The following PPP1R12A variants were observed in gnomAD, a reference collection of about 807,000 sequenced individuals.
The protein encoded by PPP1R12A is myosin binding subunit.
In PPP1R12A, 19 loss-of-function variants were observed where a neutral mutation model predicts 139.6. The ratio of observed to expected loss-of-function variants is 0.14; its 90% CI spans 0.09 to 0.20. The LOEUF (loss-of-function observed/expected upper bound fraction) is 0.20, where lower values mean the gene tolerates loss of function less well. Among genes scored for constraint, PPP1R12A ranks in the 10% least tolerant of loss-of-function variants. The pLI is 1.00. For missense variants in PPP1R12A, 925 were observed against 1,211.5 expected, an observed-to-expected ratio of 0.76 and a Z score of 3.51; for synonymous variants, 427 against 420.6, an observed-to-expected ratio of 1.02 and a Z score of -0.19.
rs571697991 is a variant in PPP1R12A at position 79,859,286 on chromosome 12, G to A, written c.368+13522C>T. ...TGGCAGGTGGAGCCTGCAGTGAGCC[G>A]AGATCGTGCCACTGCACTCCAGCCT... On this transcript the variant is annotated intron_variant, in intron 2 of 24. Coordinates refer to ENST00000450142, the MANE Select transcript of PPP1R12A (RefSeq NM_002480.3). Among the ~76,000 whole-genome samples the A allele has an allele frequency of 4.1e-4, 60 of 147,602 alleles. No individual in the cohort carries two copies. The Middle Eastern group carries it at 0.021, about 51-fold the overall frequency.
intron 1 of PPP1R12A, among the ~76,000 whole-genome samples, chr12:79,912,873 C>T (rs1045345028): frequency 2.0e-5 from 3 of 152,156 alleles, no homozygotes; most frequent in African/African-American, 4.8e-5. Context: ...CCATAGAGTA[C>T]GTTTCCATTG....
At chr12:79,892,803 G>C (rs539606494) in intron 1 of PPP1R12A, among the ~76,000 whole-genome samples, 1 of 152,098 alleles carries the variant, frequency 6.6e-6, no homozygotes, top group African/African-American at 2.4e-5. Context: ...AATGGCAAAT[G>C]TTAATAAATG....
chr12:79,852,104 T>C (rs1306395854), intron 2 of PPP1R12A, among the ~76,000 whole-genome samples: 1 of 152,152 alleles, frequency 6.6e-6, no homozygotes, highest in Non-Finnish European at 1.5e-5. Context: ...TAATATCTGT[T>C]ATCCTGGTGT....
At chr12:79,870,488 TAG>T (rs1199287799) in intron 2 of PPP1R12A, among the ~76,000 whole-genome samples, 1 of 152,202 alleles carries the variant, frequency 6.6e-6, no homozygotes, top group Non-Finnish European at 1.5e-5. Flanking sequence ...CAGTATATGC[TAG>T]AGTTAAACTG....
chr12:79,828,629 C>T (rs750956490), intron 4 of PPP1R12A, among the ~76,000 whole-genome samples, 165 bp from the exon 5 acceptor site: 1 of 151,998 alleles, frequency 6.6e-6, no homozygotes, highest in Non-Finnish European at 1.5e-5. Context: ...CAAAGTAATT[C>T]TCAGAAAAAA....
chr12:79,814,544 G>A (rs568292133), intron 9 of PPP1R12A, among the ~76,000 whole-genome samples: 69 of 146,570 alleles, frequency 4.7e-4, no homozygotes, highest in Non-Finnish European at 8.3e-4. Flanking sequence ...GGCCAGGCAC[G>A]GTGGCTCATG....
chr12:79,821,045 A>G (rs1876036950), intron 7 of PPP1R12A, 33 bp downstream of exon 7: 1 of 1,597,340 alleles, frequency 6.3e-7, no homozygotes, highest in African/African-American at 1.3e-5. Flanking sequence ...CTCATTAACA[A>G]AAATAACAAA....
intron 2 of PPP1R12A, among the ~76,000 whole-genome samples, chr12:79,869,020 T>C (rs1300605724): frequency 2.6e-5 from 4 of 152,192 alleles, no homozygotes; most frequent in South Asian, 4.1e-4. Flanking sequence ...GAGCATAAAA[T>C]CAGGCTCCAC....
chr12:79,832,609 T>C (rs996403986), intron 3 of PPP1R12A, 118 bp from the exon 4 acceptor site: 2 of 1,049,202 alleles, frequency 1.9e-6, no homozygotes, highest in Admixed American at 6.4e-5. Context: ...TATGTCTTTT[T>C]AAAATGGGCT....
chr12:79,854,222 G>A lies in PPP1R12A; in HGVS notation c.369-8802C>T, dbSNP rs137902920. On this transcript the variant is annotated intron_variant, in intron 2 of 24. Coordinates refer to ENST00000450142, the MANE Select transcript of PPP1R12A (RefSeq NM_002480.3). ...GAGAATGATACTGTGTGTGTGTGGC[G>A]GGGGGGCAGGGGAAATTTATGGGAT... 6.8e-4 allele frequency among the ~76,000 whole-genome samples: 104 copies of A among 151,876 alleles called. 1 individual carries two copies. The highest frequency in any genetic ancestry group is 2.2e-3 in the African/African-American group (91 of 41,370).
At chr12:79,858,226 A>G (rs1016012470) in intron 2 of PPP1R12A, among the ~76,000 whole-genome samples, 1 of 152,210 alleles carries the variant, frequency 6.6e-6, no homozygotes, top group East Asian at 1.9e-4. Context: ...TCTCTTCTAG[A>G]TAAGTTTGCC....
intron 5 of PPP1R12A, chr12:79,825,227 T>C (rs573739331): frequency 6.6e-6 from 1 of 152,280 alleles, no homozygotes; most frequent in African/African-American, 2.4e-5. Flanking sequence ...TTGTGTCCAT[T>C]AATAGCAGAA....
intron 1 of PPP1R12A, among the ~76,000 whole-genome samples, chr12:79,907,444 G>C (rs1261521487): frequency 6.6e-6 from 1 of 152,042 alleles, no homozygotes; most frequent in East Asian, 1.9e-4. Context: ...AAATATAAAA[G>C]TTAAACAAAA....
intron 14 of PPP1R12A, among the ~76,000 whole-genome samples, chr12:79,804,458 A>G (rs1463065571): frequency 6.6e-6 from 1 of 152,112 alleles, no homozygotes; most frequent in Admixed American, 6.5e-5. Context: ...GGCAAAAACT[A>G]AAGATGCAAT....
intron 1 of PPP1R12A, among the ~76,000 whole-genome samples, chr12:79,896,567 A>G (rs1445977833): frequency 6.6e-6 from 1 of 152,150 alleles, no homozygotes. Context: ...TCCTGGGCTT[A>G]AGTGATGCTC....
intron 2 of PPP1R12A, among the ~76,000 whole-genome samples, chr12:79,856,449 T>C (rs1238896010): frequency 2.6e-5 from 4 of 152,252 alleles, no homozygotes; most frequent in Non-Finnish European, 5.9e-5. Context: ...AAGACATAAA[T>C]GCATATTTAT....
At position 79,788,681 on chromosome 12, in the gene PPP1R12A, C is replaced by G. The variant is rs201853273; in HGVS notation, c.2769G>C (p.Arg923Ser). ...YLEERKPYSS[R>S]LEKDDSTDFK... ...AGTCAGTTGAGTCATCCTTTTCTAG[C>G]CTGCTGCTGTAAGGTTTTCTTTCTT... is the stretch of plus-strand genomic sequence containing the variant. The change falls in exon 21 of 25, where the codon AGG becomes AGC. Residue 923 changes from arginine (R) to serine (S), a missense_variant. Physicochemically the swap from Arg to Ser is moderately radical, Grantham distance 110 (BLOSUM62 -1). Around this residue, in one of 4 missense-constraint regions of PPP1R12A, gnomAD observed 315 missense variants for 363.4 expected, o/e 0.87. Coordinates refer to ENST00000450142, the MANE Select transcript of PPP1R12A (RefSeq NM_002480.3). 1.2e-4 allele frequency: 186 copies of G among 1,612,692 alleles called. No homozygotes were observed. Among genetic ancestry groups the G allele is most frequent in the Non-Finnish European group, 6.6e-5 (78 of 1,179,346 alleles).
intron 3 of PPP1R12A, among the ~76,000 whole-genome samples, chr12:79,836,989 AAATT>A (rs1188744476): frequency 8.5e-5 from 13 of 152,218 alleles, no homozygotes; most frequent in African/African-American, 2.9e-4. Flanking sequence ...TCTGAAAACT[AAATT>A]AATTAATACA....
rs542890795 is a variant in PPP1R12A, at chr12:79,858,457, C to T, written c.369-13037G>A. 2.6e-5 allele frequency among the ~76,000 whole-genome samples: 4 copies of T among 152,240 alleles called. No individual in the cohort carries two copies. In the South Asian group the frequency reaches 8.3e-4, roughly 32 times the overall value. ...TCTTCACAATCTTATAAATTAGGTA[C>T]AAGTATTAATATTTCCATTTTATGG... On this transcript the variant is annotated intron_variant, in intron 2 of 24. Transcript: ENST00000450142.
Sources: allele counts gnomAD v4.1 joint callset (sites outside exome capture counted in the v4.1 genomes callset), GRCh38; gene constraint gnomAD v4.1.1; regional missense constraint gnomAD v4.1.1; transcripts MANE v1.5; gene names NCBI Gene and HGNC (gene_info 2026-07-23, HGNC 2026-07-21).